ZNF417: variants seen among roughly 807,000 people sequenced by gnomAD.
The protein encoded by ZNF417 is zinc finger protein 417.
Under a neutral mutation model 7.4 loss-of-function variants are expected in ZNF417, and 5 were observed. The ratio of observed to expected loss-of-function variants is 0.68; its 90% CI spans 0.35 to 1.43. ZNF417 has a LOEUF of 1.43. Ranked by LOEUF, ZNF417 falls within the 40% of genes most tolerant of loss-of-function variation. ZNF417 has a pLI of 0.04. For missense variants in ZNF417, 437 were observed against 697.3 expected, an observed-to-expected ratio of 0.63 and a Z score of 4.20; for synonymous variants, 147 against 239.1, an observed-to-expected ratio of 0.61 and a Z score of 3.55.
chr19:57,908,486 A>C lies in ZNF417; in HGVS notation c.*64T>G, dbSNP rs1268620055. 1.9e-6 allele frequency: 3 copies of C among 1,608,532 alleles called. No individual in the cohort carries two copies. The highest frequency in any genetic ancestry group is 2.7e-5 in the African/African-American group (2 of 74,794). ...AGCACTCATAAGGCCTTTCTCCAGT[A>C]TGAACTCTCCTGTGTTTAATGAGAC... On this transcript the variant is annotated 3_prime_UTR_variant, in exon 3 of 3. Coordinates refer to ENST00000312026, the MANE Select transcript of ZNF417 (RefSeq NM_152475.3).
chr19:57,916,548 C>T lies in ZNF417; in HGVS notation c.-137G>A. On this transcript the variant is annotated 5_prime_UTR_variant, in exon 1 of 3. Transcript: ENST00000312026. Reference sequence around the variant, plus strand: ...CGGTCCCCCCCCAGCACTCAGGGGCCACAAACTGGGGAAACACCCGCGTCA... The same window carrying T: ...CGGTCCCCCCCCAGCACTCAGGGGCTACAAACTGGGGAAACACCCGCGTCA... 1 of 1,525,180 alleles carries T rather than the reference C, an allele frequency of 6.6e-7. No individual in the cohort carries two copies. Among genetic ancestry groups the T allele is most frequent in the Non-Finnish European group, 8.8e-7 (1 of 1,138,010 alleles). 94.5% of individuals were successfully genotyped at this position (1,525,180 alleles called of 1,614,324 possible).
Position 57,909,293 on chromosome 19 carries a change from A to G in ZNF417, c.985T>C (p.Tyr329His). The G allele has an allele frequency of 6.2e-7, 1 of 1,614,164 alleles. No homozygotes were observed. Among genetic ancestry groups the G allele is most frequent in the Non-Finnish European group, 8.5e-7 (1 of 1,180,012 alleles). The change falls in exon 3 of 3, where the codon TAT becomes CAT. Residue 329 changes from tyrosine to histidine, a missense_variant. This residue lies in a region of ZNF417 where 53 missense variants were observed against 91.9 expected (regional missense o/e 0.58). Coordinates refer to ENST00000312026, the MANE Select transcript of ZNF417 (RefSeq NM_152475.3). The stretch of plus-strand genomic sequence containing the variant: ...CCCTTTTGACCAAAAGATTTCCCAT[A>G]TTCTCTACACTCATAAGGCCTTTCT... ...TGERPYECRE[Y>H]GKSFGQKGNL...
intron 1 of ZNF417, among the ~76,000 whole-genome samples, chr19:57,913,725 C>CG (rs1225893627): frequency 6.6e-6 from 1 of 152,172 alleles, no homozygotes; most frequent in African/African-American, 2.4e-5. Context: ...CCAAACTCTA[C>CG]TGTCTGATAC....
chr19:57,914,151 T>C (rs531551344), intron 1 of ZNF417, among the ~76,000 whole-genome samples: 27 of 152,324 alleles, frequency 1.8e-4, no homozygotes, highest in African/African-American at 5.3e-4. Context: ...CTTGGGCTCA[T>C]GCCTGATTCC....
In ZNF417 at chr19:57,906,997, GCACC is replaced by G; in HGVS notation, c.*1549_*1552del. 1 of 151,266 alleles carries G rather than the reference GCACC, an allele frequency of 6.6e-6. No individual in the cohort carries two copies. Among genetic ancestry groups the G allele is most frequent in the South Asian group, 2.1e-4 (1 of 4,750 alleles). 9.4% of individuals were successfully genotyped at this position (151,266 alleles called of 1,614,324 possible). A position where few individuals can be genotyped will look rare whatever the true frequency, so the allele number is the denominator to read the frequency against. On this transcript the variant is annotated 3_prime_UTR_variant, in exon 3 of 3. Transcript: ENST00000312026. The stretch of plus-strand genomic sequence containing the variant: ...GCCTCCCAAGCAGCTGGGACTACAG[GCACC>G]CACCACTATGCTTGGGTAATTTTTG...
intron 1 of ZNF417, among the ~76,000 whole-genome samples, chr19:57,914,973 T>C (rs576078677): frequency 2.7e-4 from 41 of 152,260 alleles, no homozygotes; most frequent in African/African-American, 4.8e-4. Context: ...AATGAGGGGA[T>C]TGAACACCCT....
At chr19:57,914,624 T>C (rs2071930385) in intron 1 of ZNF417, among the ~76,000 whole-genome samples, 1 of 152,168 alleles carries the variant, frequency 6.6e-6, no homozygotes, top group South Asian at 2.1e-4. Context: ...GCAGGAGCCT[T>C]ATCTCTGACA....
At position 57,909,210 on chromosome 19, in the gene ZNF417, T is replaced by C; in HGVS notation, c.1068A>G (p.Glu356=). 1 of 1,614,076 alleles carries C rather than the reference T, an allele frequency of 6.2e-7. No homozygotes were observed. Among genetic ancestry groups the C allele is most frequent in the Non-Finnish European group, 8.5e-7 (1 of 1,179,966 alleles). ...HTGERAYHCG[E]CGKSFRQKFC... ...ACTTCTGACGAAAAGATTTCCCACA[T>C]TCCCCACAGTGATAAGCTCTCTCTC... Residue 356 remains glutamate (E), a synonymous_variant, in exon 3 of 3, where the codon GAA becomes GAG. Transcript: ENST00000312026.
intron 1 of ZNF417, 58 bp downstream of exon 1, chr19:57,916,321 G>C (rs2071947541): frequency 1.9e-6 from 3 of 1,613,868 alleles, no homozygotes; most frequent in Non-Finnish European, 2.5e-6. Flanking sequence ...CTCCCTCGCT[G>C]GTTTAGGACC....
chr19:57,910,481 G>A (rs1399509127), intron 2 of ZNF417, among the ~76,000 whole-genome samples: 1 of 152,062 alleles, frequency 6.6e-6, no homozygotes, highest in Non-Finnish European at 1.5e-5. Flanking sequence ...GGGAGGTGGA[G>A]GTTTGCATTG....
Position 57,912,012 on chromosome 19 carries a change from G to A in ZNF417, c.163+48C>T, listed in dbSNP as rs200742133. On this transcript the variant is annotated intron_variant, in intron 2 of 2. Transcript: ENST00000312026. ...ACAGTCCTGTCAATGAAAAACAGGG[G>A]AACAGTAACACTAGCTCAGGTCACA... 1,351 of 1,524,878 alleles carry A rather than the reference G, an allele frequency of 8.9e-4. 10 individuals are homozygous for A. In the South Asian group the frequency reaches 9.5e-3, roughly 11 times the overall value. 94.5% of individuals were successfully genotyped at this position (1,524,878 alleles called of 1,614,324 possible). A position where few individuals can be genotyped will look rare whatever the true frequency, so the allele number is the denominator to read the frequency against.
chr19:57,916,259 GC>G, intron 1 of ZNF417, 119 bp downstream of exon 1: 1 of 1,573,960 alleles, frequency 6.4e-7, no homozygotes, highest in Non-Finnish European at 8.6e-7. Context: ...TCCTGCGAGC[GC>G]CTCAGTGTTC....
At chr19:57,915,431 A>G in intron 1 of ZNF417, 2 of 423,156 alleles carry the variant, frequency 4.7e-6, no homozygotes, top group East Asian at 6.5e-5. Context: ...GGCTCCGTCC[A>G]TCTCCAGGCC....
intron 2 of ZNF417, among the ~76,000 whole-genome samples, 183 bp from the exon 3 acceptor site, chr19:57,910,297 G>A (rs1419367117): frequency 4.6e-5 from 7 of 152,194 alleles, no homozygotes; most frequent in African/African-American, 9.6e-5. Context: ...TGTAATCCCA[G>A]CACTTTGGGA....
rs1345901222 is a variant in ZNF417 at position 57,905,889 on chromosome 19, TCAAGA to T, written c.*2656_*2660del. On this transcript the variant is annotated 3_prime_UTR_variant, in exon 3 of 3. Coordinates refer to ENST00000312026, the MANE Select transcript of ZNF417 (RefSeq NM_152475.3). ...GAGAATTAACAAAAGTTGTATTAAT[TCAAGA>T]CAAGAGCCTGCAGAGACTAAAATTG... Among the ~76,000 whole-genome samples, 2 of 152,232 alleles carry T rather than the reference TCAAGA, an allele frequency of 1.3e-5. No individual in the cohort carries two copies. Among genetic ancestry groups the T allele is most frequent in the Admixed American group, 1.3e-4 (2 of 15,280 alleles).
chr19:57,908,578 T>G lies in ZNF417; in HGVS notation c.1700A>C (p.Gln567Pro). 1.2e-6 allele frequency: 2 copies of G among 1,614,138 alleles called. No individual in the cohort carries two copies. The highest frequency in any genetic ancestry group is 2.2e-5 in the South Asian group (2 of 91,074). Residue 567 changes from glutamine to proline, a missense_variant, in exon 3 of 3, where the codon CAG (glutamine) becomes CCG (proline). Coordinates refer to ENST00000312026, the MANE Select transcript of ZNF417 (RefSeq NM_152475.3). Reference sequence around the variant, plus strand: ...TAAGGCCTTTCTCCTGTGTGAACTCTGATGATGAAGGAGGGTAGAGCTTCG... The same window carrying G: ...TAAGGCCTTTCTCCTGTGTGAACTCGGATGATGAAGGAGGGTAGAGCTTCG... The part of the protein sequence containing the change: ...FQRSSTLLHH[Q>P]SSHRRKAL
At chr19:57,914,225 T>A (rs1167884983) in intron 1 of ZNF417, among the ~76,000 whole-genome samples, 1 of 151,926 alleles carries the variant, frequency 6.6e-6, no homozygotes, top group Non-Finnish European at 1.5e-5. Context: ...ATGGCTCATG[T>A]CTGTAATCCC....
intron 1 of ZNF417, among the ~76,000 whole-genome samples, chr19:57,912,813 C>G (rs955379045): frequency 1.3e-5 from 2 of 151,836 alleles, no homozygotes; most frequent in African/African-American, 4.8e-5. Context: ...GGGGGTTTCA[C>G]CATGTTGGCC....
At position 57,916,559 on chromosome 19, in the gene ZNF417, G is replaced by C; in HGVS notation, c.-148C>G. The C allele has an allele frequency of 6.6e-7, 1 of 1,504,370 alleles. No individual in the cohort carries two copies. The highest frequency in any genetic ancestry group is 2.4e-5 in the East Asian group (1 of 41,536). The allele number at this position is 1,504,370 out of a possible 1,614,324, so 93.2% of individuals were successfully genotyped here. A position where few individuals can be genotyped will look rare whatever the true frequency, so the allele number is the denominator to read the frequency against. On this transcript the variant is annotated 5_prime_UTR_variant, in exon 1 of 3. Coordinates refer to ENST00000312026, the MANE Select transcript of ZNF417 (RefSeq NM_152475.3). Reference sequence around the variant, plus strand: ...CAGCACTCAGGGGCCACAAACTGGGGAAACACCCGCGTCACCGATACACAG... The same window carrying C: ...CAGCACTCAGGGGCCACAAACTGGGCAAACACCCGCGTCACCGATACACAG...
Sources: allele counts gnomAD v4.1 joint callset (sites outside exome capture counted in the v4.1 genomes callset), GRCh38; gene constraint gnomAD v4.1.1; regional missense constraint gnomAD v4.1.1; transcripts MANE v1.5; gene names NCBI Gene and HGNC (gene_info 2026-07-23, HGNC 2026-07-21).